The following NUDT14 variants were observed in gnomAD, a reference collection of about 807,000 sequenced individuals.
NUDT14 encodes the protein uridine diphosphate glucose pyrophosphatase NUDT14.
NUDT14 carries 22 observed loss-of-function variants against 17.5 expected under a neutral mutation model. That is an observed-to-expected ratio of 1.26 (90% CI 0.90 to 1.80). The LOEUF is 1.80. Among genes scored for constraint, NUDT14 ranks in the 40% most tolerant of loss-of-function variants. NUDT14 has a pLI of 0.00. For synonymous variants in NUDT14, 129 were observed against 125.8 expected (o/e 1.03, Z -0.17); for missense variants, 296 against 295.6 (o/e 1.00, Z -0.01).
intron 1 of NUDT14, among the ~76,000 whole-genome samples, chr14:105,180,292 C>T (rs1889298597): frequency 6.6e-6 from 1 of 152,076 alleles, no homozygotes; most frequent in South Asian, 2.1e-4. Flanking sequence ...AGTGAGACGT[C>T]GTCTCTACAA....
At chr14:105,178,796 CG>C (rs1159061133) in intron 1 of NUDT14, among the ~76,000 whole-genome samples, 2 of 152,144 alleles carry the variant, frequency 1.3e-5, no homozygotes, top group Non-Finnish European at 2.9e-5. Context: ...GAGGAGGTGA[CG>C]GAAGTGAGGG....
rs1156730873 is a variant in NUDT14 at position 105,177,719 on chromosome 14, G to T, written c.98C>A (p.Ser33Tyr). The T allele has an allele frequency of 6.2e-7, 1 of 1,612,442 alleles. No homozygotes were observed. The highest frequency in any genetic ancestry group is 1.1e-5 in the South Asian group (1 of 91,080). Residue 33 changes from serine (S) to tyrosine (Y), a missense_variant, in exon 2 of 5, where the codon TCC becomes TAC. Transcript: ENST00000392568. ...LHYRQNGAQK[S>Y]WDFMKTHDSV... ...GTCATGCGTCTTCATGAAGTCCCAG[G>T]ACTTCTGGGCACCATTCTAGAAGGG... is the stretch of plus-strand genomic sequence containing the variant.
chr14:105,174,082 T>G (rs1406444354), intron 4 of NUDT14, among the ~76,000 whole-genome samples: 1 of 149,668 alleles, frequency 6.7e-6, no homozygotes. Flanking sequence ...CATGGCAGAG[T>G]GGGGTGGGGT....
At chr14:105,176,870 G>A (rs2141007642) in intron 3 of NUDT14, 93 bp downstream of exon 3, 1 of 1,553,618 alleles carries the variant, frequency 6.4e-7, no homozygotes, top group Non-Finnish European at 8.9e-7. Context: ...AGCTTCCCCT[G>A]GAGCCCCCTC....
At chr14:105,176,291 C>T in intron 4 of NUDT14, 5 of 586,422 alleles carry the variant, frequency 8.5e-6, no homozygotes, top group Non-Finnish European at 1.5e-5. Flanking sequence ...GTCACCCGGC[C>T]TGCCTCACAC....
chr14:105,178,905 G>GCCCTCC (rs1426582844), intron 1 of NUDT14, among the ~76,000 whole-genome samples: 5 of 152,122 alleles, frequency 3.3e-5, no homozygotes, highest in African/African-American at 1.2e-4. Context: ...AGGGAAGGGA[G>GCCCTCC]GGCCGGCGTC....
In NUDT14 at chr14:105,173,213, C is replaced by A; in HGVS notation, c.477G>T (p.Glu159Asp). The change falls in exon 5 of 5, where the codon GAG (glutamate) becomes GAT (aspartate). Residue 159 changes from glutamate to aspartate, a missense_variant. Physicochemically the swap from Glu to Asp is conservative, Grantham distance 45 (BLOSUM62 2). Coordinates refer to ENST00000392568, the MANE Select transcript of NUDT14 (RefSeq NM_177533.5). This position sits in a 1 kb window ranked among gnomAD's most constrained non-coding sequence, Gnocchi z 4.7. Reference sequence around the variant, plus strand: ...GACCGCTACGCTGGGCATCTGTCACCTCTGTGTAGAACATGGTCTGTCTGG... The same window carrying A: ...GACCGCTACGCTGGGCATCTGTCACATCTGTGTAGAACATGGTCTGTCTGG... ...TGSRQTMFYT[E>D]VTDAQRSGPG... 1 of 1,607,746 alleles carries A rather than the reference C, an allele frequency of 6.2e-7. No individual in the cohort carries two copies. Among genetic ancestry groups the A allele is most frequent in the Non-Finnish European group, 8.5e-7 (1 of 1,177,710 alleles).
Position 105,176,566 on chromosome 14 carries a change from G to T in NUDT14, c.396C>A (p.Ala132=), listed in dbSNP as rs1281514312. The T allele has an allele frequency of 6.2e-7, 1 of 1,612,574 alleles. No homozygotes were observed. The highest frequency in any genetic ancestry group is 8.5e-7 in the Non-Finnish European group (1 of 1,179,932). Residue 132 remains alanine (A), a synonymous_variant, in exon 4 of 5, where the codon GCC becomes GCA. Transcript: ENST00000392568. ...EAWEECGYHL[A]PSDLRRVATY... ...TGGCGACCCGGCGCAGATCAGAGGGGGCCAAGTGGTAGCCACACTCCTCCC... is the reference window on the plus strand; with the variant it reads ...TGGCGACCCGGCGCAGATCAGAGGGTGCCAAGTGGTAGCCACACTCCTCCC...
At chr14:105,174,368 C>A (rs796232875) in intron 4 of NUDT14, among the ~76,000 whole-genome samples, 1 of 151,836 alleles carries the variant, frequency 6.6e-6, no homozygotes, top group Non-Finnish European at 1.5e-5. Context: ...GGAAGATGAC[C>A]AGGGGGTGGG....
At chr14:105,176,868 C>G in intron 3 of NUDT14, 95 bp downstream of exon 3, 1 of 1,554,520 alleles carries the variant, frequency 6.4e-7, no homozygotes, top group Non-Finnish European at 8.8e-7. Context: ...TCAGCTTCCC[C>G]TGGAGCCCCC....
Position 105,173,188 on chromosome 14 carries a change from G to T in NUDT14, c.502C>A (p.Pro168Thr), listed in dbSNP as rs760257266. 23 of 1,610,396 alleles carry T rather than the reference G, an allele frequency of 1.4e-5. No homozygotes were observed. The Admixed American group carries it at 2.8e-4, about 20-fold the overall frequency. Residue 168 changes from proline to threonine, a missense_variant, in exon 5 of 5, where the codon CCA (proline) becomes ACA (threonine). Physicochemically the swap from Pro to Thr is conservative, Grantham distance 38. Transcript: ENST00000392568. This position sits in a 1 kb window ranked among gnomAD's most constrained non-coding sequence, Gnocchi z 4.7. ...CCCTCCTCCACCAGGCCCCCACCTG[G>T]ACCGCTACGCTGGGCATCTGTCACC... ...TEVTDAQRSGPGGGLVEEGEL... is the reference protein window; with the variant it reads ...TEVTDAQRSGTGGGLVEEGEL...
intron 3 of NUDT14, 76 bp from the exon 4 acceptor site, chr14:105,176,847 C>A: frequency 1.3e-6 from 2 of 1,559,590 alleles, no homozygotes; most frequent in Non-Finnish European, 1.8e-6. Context: ...GCCAAGCCCC[C>A]TCCCAGGGCC....
chr14:105,178,917 C>T (rs771443261), intron 1 of NUDT14, among the ~76,000 whole-genome samples: 1 of 152,114 alleles, frequency 6.6e-6, no homozygotes, highest in African/African-American at 2.4e-5. Flanking sequence ...GCCGGCGTCC[C>T]GCGCAGGTCA....
At chr14:105,177,789 G>C (rs1012652718) in intron 1 of NUDT14, 54 bp from the exon 2 acceptor site, 38 of 1,573,910 alleles carry the variant, frequency 2.4e-5, no homozygotes, top group Non-Finnish European at 3.3e-5. Context: ...GAGGTGCTCG[G>C]GGAACCGAGG....
At chr14:105,180,161 A>G (rs910736637) in intron 1 of NUDT14, among the ~76,000 whole-genome samples, 2 of 152,210 alleles carry the variant, frequency 1.3e-5, no homozygotes, top group Non-Finnish European at 2.9e-5. Context: ...TGGATGTGGG[A>G]AAAGGATGGC....
chr14:105,176,900 C>A lies in NUDT14; in HGVS notation c.190+63G>T, dbSNP rs186045196. 147 of 1,569,886 alleles carry A rather than the reference C, an allele frequency of 9.4e-5. No homozygotes were observed. The African/African-American group carries it at 1.9e-3, about 20-fold the overall frequency. ...CCCCTCCCACATCTGTATTCAGACCCTCAGGACCACAGGGACCTGAAGGTG... is the reference window on the plus strand; with the variant it reads ...CCCCTCCCACATCTGTATTCAGACCATCAGGACCACAGGGACCTGAAGGTG... On this transcript the variant is annotated intron_variant, in intron 3 of 4. Coordinates refer to ENST00000392568, the MANE Select transcript of NUDT14 (RefSeq NM_177533.5).
intron 4 of NUDT14, chr14:105,176,069 G>A: frequency 8.9e-7 from 1 of 1,123,508 alleles, no homozygotes; most frequent in African/African-American, 1.6e-5. Flanking sequence ...CGCGGGGCAA[G>A]AGTTGGTGCC....
intron 2 of NUDT14, among the ~76,000 whole-genome samples, chr14:105,177,478 G>C (rs1411712139): frequency 1.3e-5 from 2 of 152,166 alleles, no homozygotes; most frequent in African/African-American, 4.8e-5. Flanking sequence ...TCATGGTCCC[G>C]GTGGCCTGAG....
Position 105,173,123 on chromosome 14 carries a change from G to C in NUDT14, c.567C>G (p.Ala189=). The part of the protein sequence containing the change: ...IEVVHLPLEG[A]QAFADDPDIP... ...TGTCCGGGTCGTCTGCAAAGGCCTG[G>C]GCGCCTTCCAGGGGCAGGTGCACCA... The change falls in exon 5 of 5, where the codon GCC becomes GCG. Residue 189 remains alanine, a synonymous_variant. Coordinates refer to ENST00000392568, the MANE Select transcript of NUDT14 (RefSeq NM_177533.5). The surrounding 1 kb of genome is among the most constrained non-coding windows in gnomAD (Gnocchi z 4.7). 2.5e-6 allele frequency: 4 copies of C among 1,606,176 alleles called. No homozygotes were observed. The highest frequency in any genetic ancestry group is 2.5e-6 in the Non-Finnish European group (3 of 1,176,984).
Sources: allele counts gnomAD v4.1 joint callset (sites outside exome capture counted in the v4.1 genomes callset), GRCh38; gene constraint gnomAD v4.1.1; non-coding constraint Gnocchi (gnomAD v3.1); transcripts MANE v1.5; gene names NCBI Gene and HGNC (gene_info 2026-07-23, HGNC 2026-07-21).